Variants in TNFAIP6 observed in about 807,000 individuals in gnomAD.
The protein encoded by TNFAIP6 is TNF alpha induced protein 6.
TNFAIP6 carries 36 observed loss-of-function variants against 33.7 expected under a neutral mutation model. That is an observed-to-expected ratio of 1.07 (90% CI 0.82 to 1.41). The LOEUF (loss-of-function observed/expected upper bound fraction) is 1.41. TNFAIP6 is among the 40% of genes most tolerant of loss of function. TNFAIP6 has a pLI of 0.00. For missense variants in TNFAIP6, 273 were observed against 331.9 expected (o/e 0.82, Z 1.38); for synonymous variants, 113 against 112.8 (o/e 1.00, Z -0.01).
At chr2:151,366,399 T>C (rs1235571802) in intron 3 of TNFAIP6, among the ~76,000 whole-genome samples, 182 bp downstream of exon 3, 1 of 152,240 alleles carries the variant, frequency 6.6e-6, no homozygotes, top group African/African-American at 2.4e-5. Flanking sequence ...TTCCTTCGTC[T>C]ACACTCTAAC....
At chr2:151,375,719 A>AAATCCT (rs1192987826) in intron 5 of TNFAIP6, among the ~76,000 whole-genome samples, 1 of 152,178 alleles carries the variant, frequency 6.6e-6, no homozygotes, top group Non-Finnish European at 1.5e-5. Context: ...AAAAAAAAAA[A>AAATCCT]AATCCTATCA....
chr2:151,375,414 C>G (rs981496148), intron 5 of TNFAIP6, among the ~76,000 whole-genome samples: 2 of 152,032 alleles, frequency 1.3e-5, no homozygotes, highest in African/African-American at 4.8e-5. Context: ...AACATAAAAT[C>G]CTATCAAGCA....
At chr2:151,359,322 G>C (rs925028280) in intron 1 of TNFAIP6, among the ~76,000 whole-genome samples, 1 of 152,006 alleles carries the variant, frequency 6.6e-6, no homozygotes, top group African/African-American at 2.4e-5. Context: ...TTTAAATCTA[G>C]GGTGTCCCAT....
At chr2:151,364,296 G>A (rs1469501916) in intron 2 of TNFAIP6, among the ~76,000 whole-genome samples, 1 of 152,070 alleles carries the variant, frequency 6.6e-6, no homozygotes, top group Non-Finnish European at 1.5e-5. Flanking sequence ...AACCCAGTGT[G>A]ACCTAATAAA....
chr2:151,365,966 A>C, intron 2 of TNFAIP6, 90 bp from the exon 3 acceptor site: 1 of 1,267,408 alleles, frequency 7.9e-7, no homozygotes, highest in Non-Finnish European at 1.1e-6. Flanking sequence ...TAAGAAACTT[A>C]CTATTGGAAG....
At chr2:151,365,517 T>C (rs978249808) in intron 2 of TNFAIP6, among the ~76,000 whole-genome samples, 1 of 151,926 alleles carries the variant, frequency 6.6e-6, no homozygotes, top group Non-Finnish European at 1.5e-5. Context: ...TGCATGCCTG[T>C]AAGCCCAGCT....
At chr2:151,370,437 G>A (rs1020184750) in intron 4 of TNFAIP6, among the ~76,000 whole-genome samples, 189 bp downstream of exon 4, 12 of 152,196 alleles carry the variant, frequency 7.9e-5, no homozygotes, top group African/African-American at 2.4e-4. Context: ...AAAGCAGTGA[G>A]AGTGCCTTTT....
intron 5 of TNFAIP6, among the ~76,000 whole-genome samples, 200 bp from the exon 6 acceptor site, chr2:151,379,164 G>C (rs190583253): frequency 6.6e-6 from 1 of 152,118 alleles, no homozygotes; most frequent in Admixed American, 6.5e-5. Context: ...GAGGACCAAA[G>C]GAAAAAATAC....
Position 151,373,596 on chromosome 2 carries a change from T to C in TNFAIP6, c.664+7T>C. On this transcript the variant is annotated splice_region_variant and intron_variant, in intron 5 of 5. Coordinates refer to ENST00000243347, the MANE Select transcript of TNFAIP6 (RefSeq NM_007115.4). ...GATGACATCATCAGTACAGGTAAGG[T>C]TTTAAATTGAGGACCAAAACTATGA... The C allele has an allele frequency of 6.6e-7, 1 of 1,515,838 alleles. No homozygotes were observed. The highest frequency in any genetic ancestry group is 8.9e-7 in the Non-Finnish European group (1 of 1,122,324). The allele number at this position is 1,515,838 out of a possible 1,614,324, so 93.9% of individuals were successfully genotyped here. A position where few individuals can be genotyped will look rare whatever the true frequency, so the allele number is the denominator to read the frequency against.
chr2:151,370,655 G>A (rs1684801714), intron 4 of TNFAIP6, among the ~76,000 whole-genome samples: 1 of 152,198 alleles, frequency 6.6e-6, no homozygotes, highest in Admixed American at 6.5e-5. Flanking sequence ...TGGCTAAGTT[G>A]TAAGAACTAG....
intron 5 of TNFAIP6, among the ~76,000 whole-genome samples, chr2:151,376,113 G>T (rs1217495989): frequency 2.6e-5 from 4 of 152,116 alleles, no homozygotes; most frequent in Non-Finnish European, 4.4e-5. Flanking sequence ...CGGTGTGGTG[G>T]CACGTGCCTG....
At chr2:151,376,236 AT>A (rs1684904117) in intron 5 of TNFAIP6, among the ~76,000 whole-genome samples, 2 of 152,022 alleles carry the variant, frequency 1.3e-5, no homozygotes, top group South Asian at 4.2e-4. Context: ...ACAAAGTAAG[AT>A]TCCCTTTCAA....
Position 151,365,396 on chromosome 2 carries a change from C to T in TNFAIP6, c.233-660C>T, listed in dbSNP as rs552631765. 6.6e-5 allele frequency among the ~76,000 whole-genome samples: 10 copies of T among 152,014 alleles called. No homozygotes were observed. In the East Asian group the frequency reaches 7.7e-4, roughly 12 times the overall value. On this transcript the variant is annotated intron_variant, in intron 2 of 5. Coordinates refer to ENST00000243347, the MANE Select transcript of TNFAIP6 (RefSeq NM_007115.4). ...GTTCATGCCTGTAATCCTAGCACTT[C>T]GGAAGGGTGAGGTGGGCAGATCACT...
rs142191802 is a variant in TNFAIP6 at position 151,370,792 on chromosome 2, G to A, written c.623+544G>A. On this transcript the variant is annotated intron_variant, in intron 4 of 5. Coordinates refer to ENST00000243347, the MANE Select transcript of TNFAIP6 (RefSeq NM_007115.4). ...CAACCTTAAAAATGATTATAGGGCC[G>A]GGCACGGTGTCTCACGCCTGTAATC... Among the ~76,000 whole-genome samples, 922 of 152,240 alleles carry A rather than the reference G, an allele frequency of 6.1e-3. 9 individuals are homozygous for A. Among genetic ancestry groups the A allele is most frequent in the Middle Eastern group, 0.034 (10 of 294 alleles).
At chr2:151,365,186 T>A (rs1684689579) in intron 2 of TNFAIP6, among the ~76,000 whole-genome samples, 1 of 151,822 alleles carries the variant, frequency 6.6e-6, no homozygotes, top group Non-Finnish European at 1.5e-5. Flanking sequence ...ACAAAAAAAA[T>A]TAAAAAATTA....
chr2:151,361,465 T>G (rs890358384), intron 1 of TNFAIP6, among the ~76,000 whole-genome samples: 2 of 152,222 alleles, frequency 1.3e-5, no homozygotes, highest in Non-Finnish European at 2.9e-5. Flanking sequence ...TTGTATACAT[T>G]AAAATAATTT....
intron 5 of TNFAIP6, among the ~76,000 whole-genome samples, chr2:151,374,642 C>G (rs924744295): frequency 6.6e-6 from 1 of 152,190 alleles, no homozygotes; most frequent in Non-Finnish European, 1.5e-5. Context: ...ATGATTAATG[C>G]TTAAACCTTG....
Position 151,363,933 on chromosome 2 carries a change from G to A in TNFAIP6, c.95-10G>A, listed in dbSNP as rs1684669201. ...CAACAGTGCTTTTATGACATCATCTGATTTTGCAGAACGAGCAGCCGGTGT... is the reference window on the plus strand; with the variant it reads ...CAACAGTGCTTTTATGACATCATCTAATTTTGCAGAACGAGCAGCCGGTGT... On this transcript the variant is annotated splice_polypyrimidine_tract_variant and intron_variant, in intron 1 of 5. Coordinates refer to ENST00000243347, the MANE Select transcript of TNFAIP6 (RefSeq NM_007115.4). 6.2e-7 allele frequency: 1 copy of A among 1,610,942 alleles called. No homozygotes were observed. The highest frequency in any genetic ancestry group is 1.1e-5 in the South Asian group (1 of 90,886).
chr2:151,378,491 CTT>C (rs35086162), intron 5 of TNFAIP6, among the ~76,000 whole-genome samples: 16 of 142,622 alleles, frequency 1.1e-4, no homozygotes, highest in Admixed American at 2.1e-4. Context: ...AGAGTATCTT[CTT>C]TTTTTTTTTT....
Sources: allele counts gnomAD v4.1 joint callset (sites outside exome capture counted in the v4.1 genomes callset), GRCh38; gene constraint gnomAD v4.1.1; transcripts MANE v1.5; gene names NCBI Gene and HGNC (gene_info 2026-07-23, HGNC 2026-07-21).